The following POC1A variants were observed in gnomAD, a reference collection of about 807,000 sequenced individuals.
The protein encoded by POC1A is POC1 centriolar protein homolog A.
Under a neutral mutation model 47.8 loss-of-function variants are expected in POC1A, and 34 were observed. That is an observed-to-expected ratio of 0.71 (90% CI 0.54 to 0.95). The LOEUF (loss-of-function observed/expected upper bound fraction) is 0.95, where lower values mean the gene tolerates loss of function less well. POC1A is among the 40% of genes least tolerant of loss of function. The pLI is 0.00. For synonymous variants in POC1A, 177 were observed against 207.6 expected (o/e 0.85, Z 1.27); for missense variants, 466 against 528.3 (o/e 0.88, Z 1.16).
chr3:52,080,417 C>G (rs536667707), intron 10 of POC1A, among the ~76,000 whole-genome samples: 11 of 152,292 alleles, frequency 7.2e-5, no homozygotes, highest in Non-Finnish European at 1.5e-4. Flanking sequence ...GTTTAGGCTG[C>G]CTGGCCTAGC....
chr3:52,083,217 C>T (rs566535414), intron 10 of POC1A, among the ~76,000 whole-genome samples: 48 of 152,256 alleles, frequency 3.2e-4, no homozygotes, highest in Non-Finnish European at 4.9e-4. Flanking sequence ...CGGTGTGACA[C>T]TCCCACTGGC....
At chr3:52,103,963 A>T (rs756478492) in intron 9 of POC1A, among the ~76,000 whole-genome samples, 2 of 152,358 alleles carry the variant, frequency 1.3e-5, no homozygotes, top group African/African-American at 4.8e-5. Context: ...TACACCTATT[A>T]TATGTCCCAG....
intron 7 of POC1A, among the ~76,000 whole-genome samples, chr3:52,129,989 C>T (rs1704149509): frequency 6.6e-6 from 1 of 152,184 alleles, no homozygotes; most frequent in South Asian, 2.1e-4. Flanking sequence ...CGTGCTGGCT[C>T]TCGCTCTGCT....
intron 6 of POC1A, among the ~76,000 whole-genome samples, chr3:52,141,929 C>G (rs1698207144): frequency 6.6e-6 from 1 of 152,216 alleles, no homozygotes; most frequent in Admixed American, 6.5e-5. Context: ...GAGCTTGGGA[C>G]TCTATGAGTT....
In POC1A at chr3:52,151,050, G is replaced by C. The variant is rs1698538739; in HGVS notation, c.69C>G (p.Thr23=). 6.2e-7 allele frequency: 1 copy of C among 1,613,830 alleles called. No homozygotes were observed. The highest frequency in any genetic ancestry group is 8.5e-7 in the Non-Finnish European group (1 of 1,179,918). ...TTGTGTTGATACTGAAGTCCACACA[G>C]GTAACTGCATCTCGGTGGCCCTTAA... The part of the protein sequence containing the change: ...RHFKGHRDAV[T]CVDFSINTKQ... Residue 23 remains threonine (T), a synonymous_variant, in exon 2 of 11, where the codon ACC becomes ACG. Coordinates refer to ENST00000296484, the MANE Select transcript of POC1A (RefSeq NM_015426.5).
intron 7 of POC1A, among the ~76,000 whole-genome samples, chr3:52,132,413 C>G (rs1437354018): frequency 6.6e-6 from 1 of 152,188 alleles, no homozygotes; most frequent in Non-Finnish European, 1.5e-5. Flanking sequence ...CCCCACCAGA[C>G]AAGGCTGTGT....
At chr3:52,093,540 G>A (rs1702711922) in intron 10 of POC1A, among the ~76,000 whole-genome samples, 1 of 152,242 alleles carries the variant, frequency 6.6e-6, no homozygotes, top group African/African-American at 2.4e-5. Context: ...GCGTTGTCAG[G>A]TACTATTCAA....
At chr3:52,091,261 C>A (rs1349997407) in intron 10 of POC1A, among the ~76,000 whole-genome samples, 2 of 152,078 alleles carry the variant, frequency 1.3e-5, no homozygotes, top group East Asian at 3.9e-4. Flanking sequence ...GGGGAGCTCG[C>A]AGCATGTGAC....
chr3:52,103,151 T>C (rs995151955), intron 9 of POC1A, among the ~76,000 whole-genome samples: 7 of 152,236 alleles, frequency 4.6e-5, no homozygotes, highest in African/African-American at 1.7e-4. Context: ...AGTATCCACA[T>C]GCAAAAAAAT....
At position 52,147,048 on chromosome 3, in the gene POC1A, G is replaced by C; in HGVS notation, c.503C>G (p.Thr168Ser). The C allele has an allele frequency of 6.2e-7, 1 of 1,614,154 alleles. No homozygotes were observed. Among genetic ancestry groups the C allele is most frequent in the Non-Finnish European group, 8.5e-7 (1 of 1,180,022 alleles). ...RLIVSASDDK[T>S]VKLWDKSSRE... ...GCTGCTCTTGTCCCACAGCTTAACA[G>C]TCTTGTCATCACTGGCAGACACGAT... The change falls in exon 5 of 11, where the codon ACT becomes AGT. Residue 168 changes from threonine (T) to serine (S), a missense_variant. Thr to Ser is a moderately conservative substitution (Grantham distance 58). Coordinates refer to ENST00000296484, the MANE Select transcript of POC1A (RefSeq NM_015426.5).
Position 52,122,452 on chromosome 3 carries a change from T to C in POC1A, c.908A>G (p.Asp303Gly). ...CGTGACTTCTCCATGATCAACAATATCAAAGTTACTCTTCCAAACCATCAC... is the reference window on the plus strand; with the variant it reads ...CGTGACTTCTCCATGATCAACAATACCAAAGTTACTCTTCCAAACCATCAC... ...EQVMVWKSNFDIVDHGEVTKV... is the reference protein window; with the variant it reads ...EQVMVWKSNFGIVDHGEVTKV... The change falls in exon 9 of 11, where the codon GAT becomes GGT. Residue 303 changes from aspartate to glycine, a missense_variant. Physicochemically the swap from Asp to Gly is moderately conservative, Grantham distance 94. Transcript: ENST00000296484. 2 of 1,611,628 alleles carry C rather than the reference T, an allele frequency of 1.2e-6. No individual in the cohort carries two copies. Among genetic ancestry groups the C allele is most frequent in the Non-Finnish European group, 1.7e-6 (2 of 1,177,828 alleles).
At chr3:52,109,823 C>A (rs911693078) in intron 9 of POC1A, among the ~76,000 whole-genome samples, 1 of 152,192 alleles carries the variant, frequency 6.6e-6, no homozygotes. Context: ...AACATAAACA[C>A]AAGCACTATC....
At chr3:52,096,278 A>C (rs1702809575) in intron 10 of POC1A, among the ~76,000 whole-genome samples, 1 of 152,152 alleles carries the variant, frequency 6.6e-6, no homozygotes, top group Non-Finnish European at 1.5e-5. Context: ...ATAAACAAAC[A>C]CAGTGTTTCT....
intron 1 of POC1A, 150 bp from the exon 2 acceptor site, chr3:52,151,250 G>T (rs1033748215): frequency 2.6e-6 from 3 of 1,165,226 alleles, no homozygotes; most frequent in Admixed American, 3.3e-5. Context: ...AATCCACTTA[G>T]GATTAGTTTT....
At chr3:52,112,460 G>A (rs1016433072) in intron 9 of POC1A, among the ~76,000 whole-genome samples, 3 of 152,082 alleles carry the variant, frequency 2.0e-5, no homozygotes, top group Non-Finnish European at 2.9e-5. Context: ...CCAACATGGC[G>A]AAACCCCATC....
At chr3:52,136,559 G>A (rs1704473699) in intron 7 of POC1A, among the ~76,000 whole-genome samples, 1 of 152,162 alleles carries the variant, frequency 6.6e-6, no homozygotes, top group African/African-American at 2.4e-5. Context: ...ATGAACAGAG[G>A]TCGTTGGTTC....
At chr3:52,142,280 G>C (rs939562393) in intron 6 of POC1A, among the ~76,000 whole-genome samples, 1 of 152,228 alleles carries the variant, frequency 6.6e-6, no homozygotes, top group Non-Finnish European at 1.5e-5. Context: ...CGTGGGCTCA[G>C]AGCATATGGA....
intron 8 of POC1A, among the ~76,000 whole-genome samples, chr3:52,122,702 A>T (rs188689022): frequency 4.6e-5 from 7 of 152,304 alleles, no homozygotes; most frequent in African/African-American, 1.2e-4. Context: ...ATGGACTACC[A>T]CGGCGTGGCA....
At chr3:52,094,772 G>A (rs116228935) in intron 10 of POC1A, among the ~76,000 whole-genome samples, 1 of 152,314 alleles carries the variant, frequency 6.6e-6, no homozygotes, top group Non-Finnish European at 1.5e-5. Flanking sequence ...ATCTGGTCGG[G>A]GGTGGCCTGC....
Sources: allele counts gnomAD v4.1 joint callset (sites outside exome capture counted in the v4.1 genomes callset), GRCh38; gene constraint gnomAD v4.1.1; transcripts MANE v1.5; gene names NCBI Gene and HGNC (gene_info 2026-07-23, HGNC 2026-07-21).